WNK2: variants seen among roughly 807,000 people sequenced by gnomAD.
WNK2 encodes serine/threonine-protein kinase WNK2.
A neutral mutation model predicts 192.1 loss-of-function variants in WNK2; 67 were observed. The observed-to-expected ratio is 0.35, with a 90% confidence interval of 0.29 to 0.43. WNK2 has a LOEUF of 0.43. WNK2 is among the 20% of genes least tolerant of loss of function. WNK2 has a pLI of 1.00. For missense variants in WNK2, 2,698 were observed against 3,089.7 expected, an observed-to-expected ratio of 0.87 and a Z score of 3.01; for synonymous variants, 1,439 against 1,393.9, an observed-to-expected ratio of 1.03 and a Z score of -0.72.
rs1314260113 is a variant in WNK2 at position 93,297,923 on chromosome 9, G to A, written c.5779G>A (p.Gly1927Ser). The A allele has an allele frequency of 6.3e-7, 1 of 1,589,604 alleles. No homozygotes were observed. Among genetic ancestry groups the A allele is most frequent in the Non-Finnish European group, 8.5e-7 (1 of 1,169,680 alleles). ...GATCGAAGCTCTGTACCGCCGCCTG[G>A]GCAAGCCACTGCCCCCCAACGTGGG... ...QEIEALYRRL[G>S]KPLPPNVGFF... Residue 1927 changes from glycine to serine, a missense_variant, in exon 24 of 30, where the codon GGC becomes AGC. By Grantham distance (56) the Gly-to-Ser change is moderately conservative. This residue lies in a region of WNK2 where 1,098 missense variants were observed against 1,101.0 expected (regional missense o/e 1.00). Transcript: ENST00000427277.
At chr9:93,230,353 A>C (rs1838550113) in intron 3 of WNK2, among the ~76,000 whole-genome samples, 1 of 152,122 alleles carries the variant, frequency 6.6e-6, no homozygotes, top group African/African-American at 2.4e-5. Context: ...AGTGCCCCTC[A>C]GCCGGGCAGT....
chr9:93,241,132 G>T (rs1840686839), intron 7 of WNK2, among the ~76,000 whole-genome samples: 1 of 152,268 alleles, frequency 6.6e-6, no homozygotes, highest in Non-Finnish European at 1.5e-5. Flanking sequence ...TGCTGCCTGA[G>T]AACCCTAGTG....
At chr9:93,270,730 C>A (rs371202338) in intron 19 of WNK2, among the ~76,000 whole-genome samples, 1 of 152,188 alleles carries the variant, frequency 6.6e-6, no homozygotes, top group South Asian at 2.1e-4. Flanking sequence ...TTGCTCACCC[C>A]CCTTCTCTTG....
chr9:93,204,475 G>C (rs1006929081), intron 2 of WNK2, among the ~76,000 whole-genome samples: 1 of 152,200 alleles, frequency 6.6e-6, no homozygotes, highest in Non-Finnish European at 1.5e-5. Flanking sequence ...GGCCCCAGGA[G>C]GACTCAGGGT....
At chr9:93,214,693 TA>T (rs1835380556) in intron 2 of WNK2, among the ~76,000 whole-genome samples, 1 of 65,918 alleles carries the variant, frequency 1.5e-5, no homozygotes, top group African/African-American at 7.8e-5. Context: ...CCTTTGAAGG[TA>T]GTGCCCCCCC....
At chr9:93,293,603 A>G (rs1163872506) in intron 23 of WNK2, among the ~76,000 whole-genome samples, 4 of 152,118 alleles carry the variant, frequency 2.6e-5, no homozygotes, top group Non-Finnish European at 5.9e-5. Context: ...TTCAGGTGTG[A>G]GACACCAGGC....
chr9:93,216,236 C>G (rs1329013469), intron 2 of WNK2, among the ~76,000 whole-genome samples: 1 of 152,168 alleles, frequency 6.6e-6, no homozygotes, highest in East Asian at 1.9e-4. Flanking sequence ...TGCTTTTAGT[C>G]TACTGCTTAG....
At chr9:93,308,679 T>C in intron 28 of WNK2, 95 bp downstream of exon 28, 1 of 1,391,034 alleles carries the variant, frequency 7.2e-7, no homozygotes, top group Non-Finnish European at 9.6e-7. Context: ...GGTGTCCAGT[T>C]AAGCTCTTCA....
At position 93,193,834 on chromosome 9, in the gene WNK2, A is replaced by T. The variant is rs1830767593; in HGVS notation, c.681+8224A>T. Among the ~76,000 whole-genome samples, 4 of 152,198 alleles carry T rather than the reference A, an allele frequency of 2.6e-5. No individual in the cohort carries two copies. The South Asian group carries it at 8.3e-4, about 31-fold the overall frequency. On this transcript the variant is annotated intron_variant, in intron 2 of 29. Coordinates refer to ENST00000427277, the MANE Select transcript of WNK2 (RefSeq NM_006648.4). ...CTTCTTATTTAAATTGGCTCTCATT[A>T]AATTATATTAACATTTTTTAAAAAG...
chr9:93,226,053 C>T (rs917680989), intron 2 of WNK2, among the ~76,000 whole-genome samples: 1 of 152,224 alleles, frequency 6.6e-6, no homozygotes, highest in Non-Finnish European at 1.5e-5. Context: ...TCTGGACCGC[C>T]TGGCTTGGTG....
intron 19 of WNK2, among the ~76,000 whole-genome samples, chr9:93,281,948 C>T (rs1199416170): frequency 1.3e-5 from 2 of 152,140 alleles, no homozygotes; most frequent in Non-Finnish European, 2.9e-5. Context: ...TCATCACCTT[C>T]ACAGCTCAAT....
chr9:93,262,837 C>A, intron 14 of WNK2, 118 bp downstream of exon 14: 1 of 1,165,284 alleles, frequency 8.6e-7, no homozygotes, highest in Non-Finnish European at 1.2e-6. Context: ...GCCCTGATGC[C>A]ATTAGGGGTT....
chr9:93,314,895 G>A (rs992398244), intron 28 of WNK2, among the ~76,000 whole-genome samples: 2 of 152,092 alleles, frequency 1.3e-5, no homozygotes, highest in East Asian at 1.9e-4. Context: ...TTTCCCGGGG[G>A]GGGTTTTGCT....
chr9:93,211,156 A>G (rs1407577335), intron 2 of WNK2, among the ~76,000 whole-genome samples: 1 of 151,478 alleles, frequency 6.6e-6, no homozygotes, highest in Non-Finnish European at 1.5e-5. Flanking sequence ...TTATTCACTC[A>G]CAGATTCCCT....
intron 2 of WNK2, among the ~76,000 whole-genome samples, chr9:93,208,555 C>T (rs1024676177): frequency 6.9e-5 from 9 of 130,358 alleles, no homozygotes; most frequent in African/African-American, 2.3e-4. Context: ...GCTGTGTGCA[C>T]GTGTTTTGCA....
intron 19 of WNK2, among the ~76,000 whole-genome samples, chr9:93,285,486 A>G (rs1848321743): frequency 6.6e-6 from 1 of 152,222 alleles, no homozygotes; most frequent in Admixed American, 6.5e-5. Context: ...TAGTAACACA[A>G]AAATGCCAAA....
chr9:93,200,840 A>G (rs764541407), intron 2 of WNK2, among the ~76,000 whole-genome samples: 1 of 152,218 alleles, frequency 6.6e-6, no homozygotes, highest in African/African-American at 2.4e-5. Context: ...AGGCGCATTT[A>G]TGAGAAGGAT....
In WNK2 at chr9:93,289,951, C is replaced by T. The variant is rs1849054223; in HGVS notation, c.4867-27C>T. 3.9e-6 allele frequency: 6 copies of T among 1,550,376 alleles called. No individual in the cohort carries two copies. The African/African-American group carries it at 6.8e-5, about 18-fold the overall frequency. The stretch of plus-strand genomic sequence containing the variant: ...ATGCTGACCTGTGAGTCTCACGGCT[C>T]TTCTCTTTTTGTGTTTCTTTCTCCA... On this transcript the variant is annotated intron_variant, in intron 20 of 29. Coordinates refer to ENST00000427277, the MANE Select transcript of WNK2 (RefSeq NM_006648.4).
At chr9:93,211,086 TTACTC>T (rs1834422691) in intron 2 of WNK2, among the ~76,000 whole-genome samples, 1 of 152,170 alleles carries the variant, frequency 6.6e-6, no homozygotes, top group African/African-American at 2.4e-5. Flanking sequence ...ACTCACACAT[TTACTC>T]ATTCACTCAC....
Sources: gnomAD v4.1 joint callset for allele counts (sites outside exome capture counted in the v4.1 genomes callset) on GRCh38, gnomAD v4.1.1 for gene constraint, gnomAD v4.1.1 regional missense constraint, MANE v1.5 for transcripts, NCBI Gene and HGNC (gene_info 2026-07-23, HGNC 2026-07-21) for gene names.